Variants in IL1RAPL2 observed in about 807,000 individuals in gnomAD.
IL1RAPL2 encodes the protein X-linked interleukin-1 receptor accessory protein-like 2.
In IL1RAPL2, 3 loss-of-function variants were observed where a neutral mutation model predicts 44.1. That is an observed-to-expected ratio of 0.07 (90% CI 0.03 to 0.18). IL1RAPL2 has a LOEUF of 0.18. IL1RAPL2 is among the 10% of genes least tolerant of loss of function. IL1RAPL2 has a pLI of 1.00. For missense variants in IL1RAPL2, 391 were observed against 496.4 expected (o/e 0.79, Z 2.02); for synonymous variants, 181 against 178.8 (o/e 1.01, Z -0.10).
intron 3 of IL1RAPL2, among the ~76,000 whole-genome samples, chrX:105,196,731 C>T (rs782028547): frequency 1.1e-4 from 12 of 111,242 alleles, no homozygotes; most frequent in Non-Finnish European, 1.9e-4. Context: ...CCCTCTACCC[C>T]AGTGATAGAA....
chrX:105,310,856 A>G (rs2034791569), intron 5 of IL1RAPL2, among the ~76,000 whole-genome samples: 2 of 111,865 alleles, frequency 1.8e-5, no homozygotes, highest in African/African-American at 3.2e-5. Context: ...TTATTGGGAC[A>G]TATTTTATGT....
chrX:104,946,868 A>G (rs1417223640), intron 2 of IL1RAPL2, among the ~76,000 whole-genome samples: 3 of 95,582 alleles, frequency 3.1e-5, no homozygotes, highest in Non-Finnish European at 4.2e-5. Context: ...TAATGCCGCA[A>G]TAAACATACG....
At chrX:105,345,374 C>T (rs952961617) in intron 5 of IL1RAPL2, among the ~76,000 whole-genome samples, 7 of 111,373 alleles carry the variant, frequency 6.3e-5, no homozygotes, top group Non-Finnish European at 9.4e-5. Flanking sequence ...TTTTTTCCAT[C>T]GGATAGTTAA....
intron 2 of IL1RAPL2, among the ~76,000 whole-genome samples, chrX:105,130,927 T>C (rs2147577487): frequency 9.0e-6 from 1 of 111,013 alleles, no homozygotes; most frequent in Non-Finnish European, 1.9e-5. Flanking sequence ...GTTATATAAA[T>C]ACGAAATTTG....
intron 1 of IL1RAPL2, among the ~76,000 whole-genome samples, chrX:104,583,424 C>A (rs748193681): frequency 1.3e-4 from 15 of 111,481 alleles, no homozygotes; most frequent in African/African-American, 4.6e-4. Context: ...CCCAGACTTA[C>A]GCAACCATTA....
chrX:105,528,973 T>A (rs904738856), intron 6 of IL1RAPL2, among the ~76,000 whole-genome samples: 3 of 111,623 alleles, frequency 2.7e-5, no homozygotes, highest in African/African-American at 9.7e-5. Flanking sequence ...TATTTGTACT[T>A]ATTTTTTCCA....
At chrX:104,850,817 G>C (rs1437913693) in intron 2 of IL1RAPL2, among the ~76,000 whole-genome samples, 1 of 111,108 alleles carries the variant, frequency 9.0e-6, no homozygotes, top group African/African-American at 3.3e-5. Context: ...AACTTAGAAG[G>C]CTCTCCATGT....
chrX:105,301,844 G>C, intron 5 of IL1RAPL2, among the ~76,000 whole-genome samples: 1 of 112,140 alleles, frequency 8.9e-6, no homozygotes, highest in Non-Finnish European at 1.9e-5. Context: ...TCAGAGTGCA[G>C]ATATATTTTC....
intron 1 of IL1RAPL2, among the ~76,000 whole-genome samples, chrX:104,595,891 T>C (rs1257734331): frequency 2.0e-5 from 2 of 100,684 alleles, no homozygotes; most frequent in South Asian, 8.8e-4. Flanking sequence ...TCAGAATCTC[T>C]AGGGTTGGGG....
intron 2 of IL1RAPL2, among the ~76,000 whole-genome samples, chrX:104,713,907 A>T (rs1931506699): frequency 9.0e-6 from 1 of 111,191 alleles, no homozygotes; most frequent in African/African-American, 3.3e-5. Flanking sequence ...GGGCAGAGAG[A>T]AGCCGAGAAA....
intron 2 of IL1RAPL2, among the ~76,000 whole-genome samples, chrX:104,717,090 T>TA (rs1304241613): frequency 8.9e-6 from 1 of 111,878 alleles, no homozygotes; most frequent in African/African-American, 3.2e-5. Flanking sequence ...TATGCAGCCA[T>TA]AAAAAACAAG....
At chrX:105,054,822 T>C (rs2031972767) in intron 2 of IL1RAPL2, among the ~76,000 whole-genome samples, 1 of 111,994 alleles carries the variant, frequency 8.9e-6, no homozygotes, top group Non-Finnish European at 1.9e-5. Context: ...GCTGGCTGTG[T>C]AGATATGGCC....
intron 5 of IL1RAPL2, among the ~76,000 whole-genome samples, chrX:105,385,969 T>C (rs1385761663): frequency 2.7e-5 from 3 of 111,552 alleles, no homozygotes; most frequent in Non-Finnish European, 5.7e-5. Context: ...GAAATACAAT[T>C]CAACCTTAGT....
At chrX:105,340,679 G>T (rs1383198886) in intron 5 of IL1RAPL2, among the ~76,000 whole-genome samples, 1 of 111,839 alleles carries the variant, frequency 8.9e-6, no homozygotes, top group Non-Finnish European at 1.9e-5. Flanking sequence ...CTAGGTCTTT[G>T]ATCCAATATC....
At chrX:105,700,063 T>C (rs1463863469) in intron 6 of IL1RAPL2, among the ~76,000 whole-genome samples, 1 of 111,835 alleles carries the variant, frequency 8.9e-6, no homozygotes. Context: ...TTTCTTCCAC[T>C]TTTCATTAAT....
intron 2 of IL1RAPL2, among the ~76,000 whole-genome samples, chrX:104,872,098 C>T (rs1423498794): frequency 1.8e-5 from 2 of 111,503 alleles, no homozygotes; most frequent in Admixed American, 9.6e-5. Flanking sequence ...GCATAAAATG[C>T]TAAAGAAAAT....
At chrX:105,659,853 A>G (rs2037707270) in intron 6 of IL1RAPL2, among the ~76,000 whole-genome samples, 1 of 109,885 alleles carries the variant, frequency 9.1e-6, no homozygotes. Context: ...AAAAAGAATA[A>G]AAAACAATGA....
chrX:104,581,143 T>A (rs1306851296), intron 1 of IL1RAPL2, among the ~76,000 whole-genome samples: 2 of 112,503 alleles, frequency 1.8e-5, no homozygotes, highest in Non-Finnish European at 3.8e-5. Context: ...AATGGGCTTC[T>A]GGGCTTCGAT....
At chrX:105,317,063 C>T (rs2034847725) in intron 5 of IL1RAPL2, among the ~76,000 whole-genome samples, 1 of 111,680 alleles carries the variant, frequency 9.0e-6, no homozygotes, top group African/African-American at 3.3e-5. Context: ...ATTTTCTCAT[C>T]TCACTCTGCC....
Sources: allele counts gnomAD v4.1 joint callset (sites outside exome capture counted in the v4.1 genomes callset), GRCh38; gene constraint gnomAD v4.1.1; transcripts MANE v1.5; gene names NCBI Gene and HGNC (gene_info 2026-07-23, HGNC 2026-07-21).